The following PRKN variants were observed in gnomAD, a reference collection of about 807,000 sequenced individuals.
PRKN encodes parkin RBR E3 ubiquitin protein ligase.
In PRKN, 56 loss-of-function variants were observed where a neutral mutation model predicts 59.5. The observed-to-expected ratio is 0.94, with a 90% CI of 0.76 to 1.18. PRKN has a LOEUF of 1.18. Among genes scored for constraint, PRKN ranks in the 50% most tolerant of loss-of-function variants. PRKN has a pLI of 0.00. For missense variants in PRKN, 657 were observed against 596.4 expected, an observed-to-expected ratio of 1.10 and a Z score of -1.06; for synonymous variants, 250 against 222.1, an observed-to-expected ratio of 1.13 and a Z score of -1.12.
At chr6:162,302,329 TG>T (rs955284388) in intron 2 of PRKN, among the ~76,000 whole-genome samples, 2 of 138,368 alleles carry the variant, frequency 1.4e-5, no homozygotes, top group African/African-American at 7.0e-5. Context: ...TGTTAGGTTA[TG>T]TTATAAGACA....
intron 6 of PRKN, among the ~76,000 whole-genome samples, chr6:161,798,226 CCAAA>C (rs1483462463): frequency 1.3e-5 from 2 of 152,040 alleles, no homozygotes; most frequent in Admixed American, 1.3e-4. Context: ...ACAAACCAAA[CCAAA>C]CAAACAAAAA....
chr6:161,938,567 A>G (rs746115678), intron 6 of PRKN, among the ~76,000 whole-genome samples: 8 of 152,166 alleles, frequency 5.3e-5, no homozygotes, highest in Non-Finnish European at 1.0e-4. Flanking sequence ...ATTTTTTGTG[A>G]TTATTAAATT....
rs139631195 is a variant in PRKN at position 161,985,355 on chromosome 6, A to C, written c.619-11938T>G. 2.5e-3 allele frequency among the ~76,000 whole-genome samples: 376 copies of C among 152,340 alleles called. 4 individuals carry two copies. Among genetic ancestry groups the C allele is most frequent in the African/African-American group, 8.5e-3 (353 of 41,578 alleles). ...GCTTTCCAGCTTTTGTGCTCAGATA[A>C]ATAAGATGTTAAAATATCTGGTTGT... On this transcript the variant is annotated intron_variant, in intron 5 of 11. Coordinates refer to ENST00000366898, the MANE Select transcript of PRKN (RefSeq NM_004562.3).
chr6:162,605,642 T>G (rs1274023603), intron 1 of PRKN, among the ~76,000 whole-genome samples: 1 of 152,132 alleles, frequency 6.6e-6, no homozygotes, highest in Non-Finnish European at 1.5e-5. Context: ...AGAGCTCTTT[T>G]AGCAAGAAAT....
At chr6:161,800,571 C>T (rs533878623) in intron 6 of PRKN, among the ~76,000 whole-genome samples, 11 of 152,324 alleles carry the variant, frequency 7.2e-5, no homozygotes, top group African/African-American at 2.4e-4. Context: ...CTACCATGCC[C>T]AGTGCTGGGC....
intron 6 of PRKN, among the ~76,000 whole-genome samples, chr6:161,964,118 T>A (rs1001188803): frequency 2.6e-5 from 4 of 151,952 alleles, no homozygotes; most frequent in South Asian, 2.1e-4. Flanking sequence ...GGTTGGAGGG[T>A]AAGGTGTAAT....
At chr6:162,593,249 G>C (rs543189115) in intron 1 of PRKN, among the ~76,000 whole-genome samples, 9 of 152,144 alleles carry the variant, frequency 5.9e-5, no homozygotes, top group Non-Finnish European at 1.2e-4. Flanking sequence ...CATCTTTCTA[G>C]AACAACTGGT....
chr6:162,171,209 G>A (rs775098810), intron 4 of PRKN, among the ~76,000 whole-genome samples: 1 of 151,894 alleles, frequency 6.6e-6, no homozygotes, highest in African/African-American at 2.4e-5. Flanking sequence ...GGTGCACACA[G>A]AAAAAAACGT....
rs958072387 is a variant in PRKN at position 161,390,637 on chromosome 6, T to C, written c.1084-3760A>G. On this transcript the variant is annotated intron_variant, in intron 9 of 11. Coordinates refer to ENST00000366898, the MANE Select transcript of PRKN (RefSeq NM_004562.3). This position sits in a 1 kb window ranked among gnomAD's most constrained non-coding sequence, Gnocchi z 7.0. ...CTGAGTAGCTGGGACTACAGGCGCC[T>C]GCCACCACGCCCGGCTAATTTTTGT... 6.6e-6 allele frequency among the ~76,000 whole-genome samples: 1 copy of C among 152,026 alleles called. No homozygotes were observed. Among genetic ancestry groups the C allele is most frequent in the Non-Finnish European group, 1.5e-5 (1 of 68,020 alleles).
intron 6 of PRKN, among the ~76,000 whole-genome samples, chr6:161,902,552 A>ATCTTT (rs1343265664): frequency 3.3e-5 from 4 of 121,038 alleles, no homozygotes; most frequent in African/African-American, 6.6e-5. Flanking sequence ...CTATCTATTT[A>ATCTTT]TTTATTTATT....
chr6:161,814,940 C>T (rs1791711279), intron 6 of PRKN, among the ~76,000 whole-genome samples: 1 of 152,152 alleles, frequency 6.6e-6, no homozygotes, highest in African/African-American at 2.4e-5. Context: ...TATGGGAGCT[C>T]AAGATGAGAT....
chr6:161,474,261 C>T (rs1349101373), intron 9 of PRKN, among the ~76,000 whole-genome samples: 1 of 152,184 alleles, frequency 6.6e-6, no homozygotes, highest in Non-Finnish European at 1.5e-5. Flanking sequence ...TGTGTAATGG[C>T]TCTTCATAAC....
chr6:161,520,154 C>A (rs552281779), intron 9 of PRKN, among the ~76,000 whole-genome samples: 1 of 151,254 alleles, frequency 6.6e-6, no homozygotes, highest in Non-Finnish European at 1.5e-5. Context: ...ATGATGGGTA[C>A]ATGATGGGTT....
At chr6:162,304,769 T>G (rs1583346332) in intron 2 of PRKN, among the ~76,000 whole-genome samples, 1 of 146,638 alleles carries the variant, frequency 6.8e-6, no homozygotes, top group Admixed American at 6.7e-5. Flanking sequence ...CCTGGGGACC[T>G]GGAGGCCCTG....
At chr6:161,763,667 C>A (rs774828096) in intron 7 of PRKN, among the ~76,000 whole-genome samples, 2 of 152,060 alleles carry the variant, frequency 1.3e-5, no homozygotes, top group Non-Finnish European at 1.5e-5. Flanking sequence ...TTCAACAGCA[C>A]ACTCACCAGC....
At chr6:162,579,992 T>C (rs990617034) in intron 1 of PRKN, among the ~76,000 whole-genome samples, 3 of 152,200 alleles carry the variant, frequency 2.0e-5, no homozygotes, top group Non-Finnish European at 4.4e-5. Flanking sequence ...TCATGAACGT[T>C]ATCATTATTT....
chr6:161,425,620 C>A (rs1168165544), intron 9 of PRKN, among the ~76,000 whole-genome samples: 2 of 152,148 alleles, frequency 1.3e-5, no homozygotes, highest in African/African-American at 4.8e-5. Context: ...TCCCCCTTGG[C>A]TACTCCCCAG....
At chr6:162,175,165 C>A (rs1350101019) in intron 4 of PRKN, among the ~76,000 whole-genome samples, 1 of 152,186 alleles carries the variant, frequency 6.6e-6, no homozygotes, top group Non-Finnish European at 1.5e-5. Context: ...GTCTTATACA[C>A]CTTGGTAGGA....
chr6:162,678,705 A>T (rs893098346), intron 1 of PRKN, among the ~76,000 whole-genome samples: 4 of 152,140 alleles, frequency 2.6e-5, no homozygotes, highest in Non-Finnish European at 4.4e-5. Context: ...TCCTTTTATC[A>T]GATATGTAAT....
Sources: gnomAD v4.1 joint callset for allele counts (sites outside exome capture counted in the v4.1 genomes callset) on GRCh38, gnomAD v4.1.1 for gene constraint, Gnocchi (gnomAD v3.1) non-coding constraint, MANE v1.5 for transcripts, NCBI Gene and HGNC (gene_info 2026-07-23, HGNC 2026-07-21) for gene names.